The following KMT2C variants were observed in gnomAD, a reference collection of about 807,000 sequenced individuals.
The protein encoded by KMT2C is histone-lysine N-methyltransferase 2C.
In KMT2C, 88 loss-of-function variants were observed where a neutral mutation model predicts 507.9. The ratio of observed to expected loss-of-function variants is 0.17; its 90% CI spans 0.15 to 0.21. The LOEUF is 0.21. Ranked by LOEUF, KMT2C falls within the 10% of genes least tolerant of loss-of-function variation. The pLI is 1.00. For missense variants in KMT2C, 4,954 were observed against 5,957.8 expected (o/e 0.83, Z 5.55); for synonymous variants, 2,049 against 2,080.8 (o/e 0.98, Z 0.42).
At chr7:152,146,509 A>G (rs935662422) in intron 53 of KMT2C, 90 bp downstream of exon 53, 5 of 1,291,304 alleles carry the variant, frequency 3.9e-6, no homozygotes, top group Middle Eastern at 2.0e-4. Flanking sequence ...CACTTTCTGA[A>G]GAGTGCCACA....
intron 55 of KMT2C, among the ~76,000 whole-genome samples, chr7:152,140,950 T>C (rs1489710501): frequency 6.6e-6 from 1 of 152,080 alleles, no homozygotes; most frequent in East Asian, 1.9e-4. Context: ...ATGAAGAGAT[T>C]CCAAATGGGC....
intron 1 of KMT2C, among the ~76,000 whole-genome samples, chr7:152,379,309 G>A (rs1381051258): frequency 1.3e-5 from 2 of 151,976 alleles, no homozygotes; most frequent in African/African-American, 4.8e-5. Flanking sequence ...GGGAGTCCAA[G>A]GCAGGCAGAA....
At chr7:152,368,274 C>T (rs2097263528) in intron 1 of KMT2C, 11 of 1,034,258 alleles carry the variant, frequency 1.1e-5, no homozygotes, top group Non-Finnish European at 1.5e-6. Flanking sequence ...ACTATGAGAA[C>T]TACAGAAGCA....
At chr7:152,424,654 G>C (rs769558335) in intron 1 of KMT2C, among the ~76,000 whole-genome samples, 44 of 152,098 alleles carry the variant, frequency 2.9e-4, no homozygotes, top group Non-Finnish European at 5.7e-4. Context: ...GAACTCCTGG[G>C]CTCAAGTGTT....
Position 152,158,462 on chromosome 7 carries a change from T to G in KMT2C, c.11670+401A>C, listed in dbSNP as rs562524643. 8.5e-5 allele frequency among the ~76,000 whole-genome samples: 13 copies of G among 152,286 alleles called. No individual in the cohort carries two copies. In the South Asian group the frequency reaches 2.7e-3, roughly 32 times the overall value. On this transcript the variant is annotated intron_variant, in intron 44 of 58. Coordinates refer to ENST00000262189, the MANE Select transcript of KMT2C (RefSeq NM_170606.3). ...GCTTGGAAAAAGTCTACTAGGTTCC[T>G]TGTCCAGATGTCTTTTAGCATTTGA...
At chr7:152,304,208 T>A (rs1295355868) in intron 6 of KMT2C, among the ~76,000 whole-genome samples, 1 of 152,216 alleles carries the variant, frequency 6.6e-6, no homozygotes, top group Admixed American at 6.5e-5. Flanking sequence ...CTAGTTTCTA[T>A]GGCTCTCATA....
intron 6 of KMT2C, among the ~76,000 whole-genome samples, chr7:152,275,100 A>C (rs1343828639): frequency 6.6e-6 from 1 of 152,232 alleles, no homozygotes; most frequent in Admixed American, 6.5e-5. Context: ...TACAGTAGTT[A>C]AAATTATAAT....
At chr7:152,151,777 G>A (rs1488765283) in intron 49 of KMT2C, among the ~76,000 whole-genome samples, 196 bp from the exon 50 acceptor site, 1 of 148,614 alleles carries the variant, frequency 6.7e-6, no homozygotes, top group Non-Finnish European at 1.5e-5. Flanking sequence ...AAAGAAACAT[G>A]CCTATTCTCA....
At chr7:152,356,383 T>C (rs1189169869) in intron 2 of KMT2C, among the ~76,000 whole-genome samples, 1 of 151,874 alleles carries the variant, frequency 6.6e-6, no homozygotes, top group African/African-American at 2.4e-5. Flanking sequence ...GAGGCCAGCC[T>C]GGCAAACACT....
chr7:152,189,045 GC>G (rs1332118188), intron 31 of KMT2C, among the ~76,000 whole-genome samples: 1 of 151,986 alleles, frequency 6.6e-6, no homozygotes, highest in Non-Finnish European at 1.5e-5. Flanking sequence ...TTACAGTTCA[GC>G]CCCCAAACAC....
chr7:152,138,053 G>A lies in KMT2C; in HGVS notation c.14643+743C>T, dbSNP rs554850060. ...CTCAGGTGCCTCACTCCCCAAATGC[G>A]GGACGTTTCCTACAGAAACCAAGCC... is the stretch of plus-strand genomic sequence containing the variant. On this transcript the variant is annotated intron_variant, in intron 58 of 58. Transcript: ENST00000262189. This position sits in a 1 kb window ranked among gnomAD's most constrained non-coding sequence, Gnocchi z 4.2. 8.5e-5 allele frequency: 13 copies of A among 152,308 alleles called. No individual in the cohort carries two copies. The highest frequency in any genetic ancestry group is 2.6e-4 in the African/African-American group (11 of 41,552). The allele number at this position is 152,308 out of a possible 1,614,324, so 9.4% of individuals were successfully genotyped here.
At chr7:152,330,910 A>C (rs1248355591) in intron 2 of KMT2C, among the ~76,000 whole-genome samples, 171 bp from the exon 3 acceptor site, 3 of 152,234 alleles carry the variant, frequency 2.0e-5, no homozygotes, top group Admixed American at 6.5e-5. Context: ...GTGCATCTTT[A>C]TTCTCTACCG....
intron 2 of KMT2C, among the ~76,000 whole-genome samples, chr7:152,343,216 C>T (rs534858613): frequency 5.6e-4 from 85 of 152,092 alleles, no homozygotes; most frequent in Middle Eastern, 3.4e-3. Context: ...GATTAATATG[C>T]TAACGGTTCT....
intron 6 of KMT2C, among the ~76,000 whole-genome samples, chr7:152,305,224 G>C (rs556046756): frequency 3.3e-5 from 5 of 152,106 alleles, no homozygotes; most frequent in African/African-American, 9.7e-5. Flanking sequence ...AGATTATTAC[G>C]TGAATATACA....
At chr7:152,424,388 T>C (rs1170784947) in intron 1 of KMT2C, among the ~76,000 whole-genome samples, 2 of 152,240 alleles carry the variant, frequency 1.3e-5, no homozygotes, top group Non-Finnish European at 2.9e-5. Flanking sequence ...TAACCTGGAC[T>C]GAGCTTAGCT....
chr7:152,159,156 T>A (rs2092292622), intron 43 of KMT2C, 84 bp from the exon 44 acceptor site: 1 of 1,144,244 alleles, frequency 8.7e-7, no homozygotes, highest in Admixed American at 1.7e-5. Context: ...CTATGACGCG[T>A]CATCCTAACA....
intron 9 of KMT2C, among the ~76,000 whole-genome samples, chr7:152,255,130 T>G (rs868132229): frequency 8.1e-6 from 1 of 123,200 alleles, no homozygotes; most frequent in Admixed American, 7.9e-5. Context: ...TATATATATA[T>G]ATATATATAT....
chr7:152,196,525 TA>T (rs1013322371), intron 27 of KMT2C, among the ~76,000 whole-genome samples: 9 of 152,180 alleles, frequency 5.9e-5, no homozygotes, highest in African/African-American at 2.2e-4. Context: ...TCATTTATTT[TA>T]AAAAGTATTT....
At chr7:152,430,193 A>G (rs1225906190) in intron 1 of KMT2C, among the ~76,000 whole-genome samples, 2 of 152,036 alleles carry the variant, frequency 1.3e-5, no homozygotes, top group African/African-American at 4.8e-5. Context: ...AGAAAAAAAA[A>G]AAAAAACAGA....
Sources: allele counts gnomAD v4.1 joint callset (sites outside exome capture counted in the v4.1 genomes callset), GRCh38; gene constraint gnomAD v4.1.1; non-coding constraint Gnocchi (gnomAD v3.1); transcripts MANE v1.5; gene names NCBI Gene and HGNC (gene_info 2026-07-23, HGNC 2026-07-21).